TAF3: variants seen among roughly 807,000 people sequenced by gnomAD.
TAF3 encodes TATA-box binding protein associated factor 3.
TAF3 carries 7 observed loss-of-function variants against 80.6 expected under a neutral mutation model. The ratio of observed to expected loss-of-function variants is 0.09; its 90% CI spans 0.05 to 0.16. TAF3 has a LOEUF of 0.16. TAF3 is among the 10% of genes least tolerant of loss of function. The pLI is 1.00. For synonymous variants in TAF3, 444 were observed against 446.1 expected, an observed-to-expected ratio of 1.00 and a Z score of 0.06; for missense variants, 921 against 1,140.2, an observed-to-expected ratio of 0.81 and a Z score of 2.77.
chr10:7,933,851 C>G (rs1371423041), intron 2 of TAF3, among the ~76,000 whole-genome samples: 2 of 152,260 alleles, frequency 1.3e-5, no homozygotes, highest in East Asian at 3.9e-4. Flanking sequence ...GAGAAGAAAA[C>G]ATGTTTTATG....
intron 2 of TAF3, among the ~76,000 whole-genome samples, chr10:7,911,561 A>T (rs113277867): frequency 6.6e-6 from 1 of 152,212 alleles, no homozygotes; most frequent in African/African-American, 2.4e-5. Context: ...GAATATCCTC[A>T]GCTTTGTTTG....
intron 2 of TAF3, among the ~76,000 whole-genome samples, chr10:7,880,259 T>C (rs1192546965): frequency 1.3e-5 from 2 of 152,102 alleles, no homozygotes; most frequent in South Asian, 2.1e-4. Flanking sequence ...AAAATAAAAC[T>C]CAAGTAACTT....
At chr10:7,966,719 C>T (rs994720197) in intron 3 of TAF3, among the ~76,000 whole-genome samples, 3 of 152,152 alleles carry the variant, frequency 2.0e-5, no homozygotes, top group African/African-American at 4.8e-5. Context: ...TGTATTTGAC[C>T]TGCAGCAGAT....
intron 2 of TAF3, among the ~76,000 whole-genome samples, chr10:7,825,682 C>T (rs1346689618): frequency 1.3e-5 from 2 of 152,148 alleles, no homozygotes; most frequent in Admixed American, 6.5e-5. Context: ...TTGTGTGTTT[C>T]GTTGTGTGTT....
At chr10:7,890,872 T>C (rs1386951793) in intron 2 of TAF3, among the ~76,000 whole-genome samples, 1 of 152,260 alleles carries the variant, frequency 6.6e-6, no homozygotes, top group African/African-American at 2.4e-5. Context: ...AATAAGTCTC[T>C]TTTTACATTC....
chr10:7,919,446 C>T (rs550982154), intron 2 of TAF3, among the ~76,000 whole-genome samples: 21 of 152,176 alleles, frequency 1.4e-4, no homozygotes, highest in Non-Finnish European at 1.6e-4. Flanking sequence ...TGTGGTCCTC[C>T]CAAGCTTGAT....
chr10:7,832,972 G>A (rs1392124723), intron 2 of TAF3, among the ~76,000 whole-genome samples: 1 of 152,206 alleles, frequency 6.6e-6, no homozygotes, highest in East Asian at 1.9e-4. Context: ...GAGGCAGGAG[G>A]ATGATTTGAG....
Position 7,977,253 on chromosome 10 carries a change from C to T in TAF3, c.2245C>T (p.Pro749Ser). Residue 749 changes from proline (P) to serine (S), a missense_variant, in exon 4 of 7, where the codon CCA becomes TCA. Pro to Ser is a moderately conservative substitution (Grantham distance 74, BLOSUM62 -1). Transcript: ENST00000344293. ...KHKHEKIKVE[P>S]VALAPSPVIP... ...CTAACTTCCACAGATAAAAGTGGAA[C>T]CAGTCGCTCTGGCCCCGAGTCCAGT... 1 of 1,614,152 alleles carries T rather than the reference C, an allele frequency of 6.2e-7. No individual in the cohort carries two copies. Among genetic ancestry groups the T allele is most frequent in the Non-Finnish European group, 8.5e-7 (1 of 1,180,004 alleles).
intron 2 of TAF3, among the ~76,000 whole-genome samples, chr10:7,936,557 A>G (rs1039009765): frequency 2.0e-5 from 3 of 151,860 alleles, no homozygotes; most frequent in Admixed American, 1.3e-4. Context: ...TCCCAGTAAA[A>G]TTGAACAGAA....
chr10:7,870,883 C>T (rs1485784957), intron 2 of TAF3, among the ~76,000 whole-genome samples: 1 of 152,068 alleles, frequency 6.6e-6, no homozygotes, highest in African/African-American at 2.4e-5. Flanking sequence ...TTTCTTGAAG[C>T]TCAGAGTTTC....
chr10:7,903,832 A>G (rs1316914839), intron 2 of TAF3, among the ~76,000 whole-genome samples: 1 of 152,160 alleles, frequency 6.6e-6, no homozygotes, highest in Non-Finnish European at 1.5e-5. Context: ...AATGACTGGG[A>G]TATAGATCCT....
chr10:7,964,289 C>T lies in TAF3; in HGVS notation c.779C>T (p.Ala260Val). The T allele has an allele frequency of 1.2e-6, 2 of 1,614,148 alleles. No homozygotes were observed. Among genetic ancestry groups the T allele is most frequent in the African/African-American group, 1.3e-5 (1 of 75,032 alleles). ...GTTGCAAAATCACAAATGCCAACTGCAAAACCATTAGAAACAAAGTCATTT... is the reference window on the plus strand; with the variant it reads ...GTTGCAAAATCACAAATGCCAACTGTAAAACCATTAGAAACAAAGTCATTT... The part of the protein sequence containing the change: ...APVAKSQMPT[A>V]KPLETKSFTP... The change falls in exon 3 of 7, where the codon GCA becomes GTA. Residue 260 changes from alanine (A) to valine (V), a missense_variant. Coordinates refer to ENST00000344293, the MANE Select transcript of TAF3 (RefSeq NM_031923.4). The surrounding 1 kb of genome is among the most constrained non-coding windows in gnomAD (Gnocchi z 4.1).
At chr10:7,834,525 T>C (rs1048364759) in intron 2 of TAF3, among the ~76,000 whole-genome samples, 1 of 152,146 alleles carries the variant, frequency 6.6e-6, no homozygotes, top group African/African-American at 2.4e-5. Flanking sequence ...TTCTAGGCAA[T>C]AAGTAAATAA....
intron 4 of TAF3, among the ~76,000 whole-genome samples, 194 bp downstream of exon 4, chr10:7,977,517 G>A (rs113010247): frequency 0.011 from 1,667 of 150,690 alleles, 20 homozygotes; most frequent in South Asian, 0.031. Flanking sequence ...TTTATTTGAC[G>A]TAAAGGATTT....
intron 2 of TAF3, among the ~76,000 whole-genome samples, chr10:7,948,314 C>T (rs1186506846): frequency 6.7e-6 from 1 of 149,738 alleles, no homozygotes; most frequent in Non-Finnish European, 1.5e-5. Flanking sequence ...GTCTTGAACT[C>T]CCAGCTTCAA....
intron 2 of TAF3, among the ~76,000 whole-genome samples, chr10:7,913,099 C>T (rs911823577): frequency 2.6e-5 from 4 of 152,180 alleles, no homozygotes; most frequent in Admixed American, 6.5e-5. Context: ...TCCGCACACA[C>T]GCCCGTGATG....
intron 2 of TAF3, among the ~76,000 whole-genome samples, chr10:7,957,582 A>G (rs1211616811): frequency 6.6e-6 from 1 of 152,208 alleles, no homozygotes; most frequent in Non-Finnish European, 1.5e-5. Flanking sequence ...TAATGCGCCA[A>G]GAAGATGAAC....
intron 3 of TAF3, among the ~76,000 whole-genome samples, chr10:7,976,576 A>C (rs933592214): frequency 2.0e-5 from 3 of 151,896 alleles, no homozygotes; most frequent in Admixed American, 1.3e-4. Flanking sequence ...CACCACGCCC[A>C]GCTAATTTTT....
At chr10:7,834,732 AATT>A (rs1301511657) in intron 2 of TAF3, among the ~76,000 whole-genome samples, 3 of 152,168 alleles carry the variant, frequency 2.0e-5, no homozygotes, top group African/African-American at 2.4e-5. Context: ...AATATTCCAT[AATT>A]ATTCATTTGC....
Sources: gnomAD v4.1 joint callset for allele counts (sites outside exome capture counted in the v4.1 genomes callset) on GRCh38, gnomAD v4.1.1 for gene constraint, Gnocchi (gnomAD v3.1) non-coding constraint, MANE v1.5 for transcripts, NCBI Gene and HGNC (gene_info 2026-07-23, HGNC 2026-07-21) for gene names.